Variants in SERPINI1 observed in about 807,000 individuals in gnomAD.
SERPINI1 encodes serpin family I member 1, also known as neuroserpin.
Under a neutral mutation model 41.1 loss-of-function variants are expected in SERPINI1, and 19 were observed. The ratio of observed to expected loss-of-function variants is 0.46; its 90% confidence interval spans 0.32 to 0.68. The LOEUF is 0.68. Among genes scored for constraint, SERPINI1 ranks in the 30% least tolerant of loss-of-function variants. The probability of loss-of-function intolerance (pLI) is 0.03; values close to 1 mark genes in which losing one functional copy is unlikely to be tolerated. For missense variants in SERPINI1, 460 were observed against 479.2 expected, an observed-to-expected ratio of 0.96 and a Z score of 0.37; for synonymous variants, 138 against 156.6, an observed-to-expected ratio of 0.88 and a Z score of 0.89.
At chr3:167,743,481 C>T (rs1299889528) in intron 1 of SERPINI1, among the ~76,000 whole-genome samples, 2 of 152,104 alleles carry the variant, frequency 1.3e-5, no homozygotes, top group African/African-American at 4.8e-5. Context: ...AAGATACTGA[C>T]TTGGCAAAAT....
At chr3:167,752,146 C>T (rs912074407) in intron 1 of SERPINI1, among the ~76,000 whole-genome samples, 5 of 152,134 alleles carry the variant, frequency 3.3e-5, no homozygotes, top group African/African-American at 1.2e-4. Flanking sequence ...GTTTGGGTTT[C>T]CCAGAGCTTG....
Position 167,825,514 on chromosome 3 carries a change from A to T in SERPINI1, c.*191A>T, listed in dbSNP as rs1416515821. 2.1e-5 allele frequency: 12 copies of T among 567,212 alleles called. No individual in the cohort carries two copies. Among genetic ancestry groups the T allele is most frequent in the Non-Finnish European group, 3.8e-5 (12 of 317,320 alleles). The allele number at this position is 567,212 out of a possible 1,614,324, so 35.1% of individuals were successfully genotyped here. A position where few individuals can be genotyped will look rare whatever the true frequency, so the allele number is the denominator to read the frequency against. Reference sequence around the variant, plus strand: ...TCAGTATTAAGCTAATGGTCCTGTTATGTCATTGTGTTTGTGTGCTGTTGT... The same window carrying T: ...TCAGTATTAAGCTAATGGTCCTGTTTTGTCATTGTGTTTGTGTGCTGTTGT... On this transcript the variant is annotated 3_prime_UTR_variant, in exon 9 of 9. Coordinates refer to ENST00000446050, the MANE Select transcript of SERPINI1 (RefSeq NM_001122752.2).
At chr3:167,781,721 T>C (rs1727132578) in intron 1 of SERPINI1, among the ~76,000 whole-genome samples, 1 of 150,564 alleles carries the variant, frequency 6.6e-6, no homozygotes, top group African/African-American at 2.4e-5. Flanking sequence ...TCTCTCTTTT[T>C]CTCAACTCAC....
chr3:167,740,691 A>G (rs182803264), intron 1 of SERPINI1, among the ~76,000 whole-genome samples: 5 of 152,324 alleles, frequency 3.3e-5, no homozygotes, highest in Non-Finnish European at 7.4e-5. Flanking sequence ...AAATTTTGTT[A>G]TTAACTGCAA....
At chr3:167,795,269 C>T (rs1328968883) in intron 5 of SERPINI1, among the ~76,000 whole-genome samples, 1 of 152,146 alleles carries the variant, frequency 6.6e-6, no homozygotes, top group African/African-American at 2.4e-5. Flanking sequence ...AAGCAAGTCA[C>T]TGTGCTAGGT....
At chr3:167,814,697 G>A (rs1712010985) in intron 6 of SERPINI1, among the ~76,000 whole-genome samples, 1 of 152,182 alleles carries the variant, frequency 6.6e-6, no homozygotes, top group Non-Finnish European at 1.5e-5. Context: ...AGTGGGTACT[G>A]AAGAAATATT....
chr3:167,740,213 T>C (rs1374891029), intron 1 of SERPINI1, among the ~76,000 whole-genome samples: 1 of 152,070 alleles, frequency 6.6e-6, no homozygotes, highest in Non-Finnish European at 1.5e-5. Context: ...TAACTTTTTA[T>C]AGAGATAAGG....
chr3:167,782,096 G>A (rs1727151170), intron 1 of SERPINI1, among the ~76,000 whole-genome samples: 1 of 152,102 alleles, frequency 6.6e-6, no homozygotes, highest in Non-Finnish European at 1.5e-5. Flanking sequence ...TGGTACTGCA[G>A]CCTCTTGTTG....
At chr3:167,812,691 T>C (rs1711934567) in intron 6 of SERPINI1, among the ~76,000 whole-genome samples, 2 of 152,228 alleles carry the variant, frequency 1.3e-5, no homozygotes, top group Admixed American at 1.3e-4. Flanking sequence ...ACCTACTGAA[T>C]GAAGAAATGA....
chr3:167,767,415 G>A (rs1350195356), intron 1 of SERPINI1, among the ~76,000 whole-genome samples: 1 of 152,164 alleles, frequency 6.6e-6, no homozygotes, highest in Non-Finnish European at 1.5e-5. Context: ...TGTACATGGA[G>A]ATTAATGTTG....
chr3:167,794,669 A>G lies in SERPINI1; in HGVS notation c.726A>G (p.Leu242=), dbSNP rs368762906. The G allele has an allele frequency of 4.3e-6, 7 of 1,613,626 alleles. No individual in the cohort carries two copies. In the South Asian group the frequency reaches 4.4e-5, roughly 10 times the overall value. ...AAGCTGGTGGTATCTACCAAGTCCT[A>G]GAAATACCATATGAAGGAGATGAAA... The part of the protein sequence containing the change: ...SNEAGGIYQV[L]EIPYEGDEIS... The change falls in exon 5 of 9, where the codon CTA becomes CTG. Residue 242 remains leucine (L), a synonymous_variant. Transcript: ENST00000446050.
chr3:167,767,134 G>A (rs1436233610), intron 1 of SERPINI1, among the ~76,000 whole-genome samples: 2 of 152,148 alleles, frequency 1.3e-5, no homozygotes, highest in East Asian at 1.9e-4. Flanking sequence ...TCTCATTATG[G>A]GCTAAATGCA....
intron 1 of SERPINI1, among the ~76,000 whole-genome samples, chr3:167,776,882 A>G (rs988569607): frequency 6.6e-6 from 1 of 152,212 alleles, no homozygotes; most frequent in African/African-American, 2.4e-5. Flanking sequence ...CCTTGACTGA[A>G]CTTGAGTCAG....
At chr3:167,744,709 A>T (rs1287988125) in intron 1 of SERPINI1, among the ~76,000 whole-genome samples, 1 of 129,214 alleles carries the variant, frequency 7.7e-6, no homozygotes, top group African/African-American at 3.0e-5. Context: ...AATATATATA[A>T]AATATATATA....
intron 4 of SERPINI1, among the ~76,000 whole-genome samples, chr3:167,793,940 T>C (rs982908730): frequency 2.0e-5 from 3 of 151,686 alleles, no homozygotes; most frequent in African/African-American, 7.3e-5. Flanking sequence ...TTTGGAGATA[T>C]CAATATTCAC....
chr3:167,770,441 C>T (rs185576904), intron 1 of SERPINI1, among the ~76,000 whole-genome samples: 234 of 152,112 alleles, frequency 1.5e-3, no homozygotes, highest in Non-Finnish European at 2.7e-3. Flanking sequence ...GATTATATTT[C>T]GAACCACCCT....
chr3:167,740,537 T>A (rs1725646397), intron 1 of SERPINI1, among the ~76,000 whole-genome samples: 1 of 152,254 alleles, frequency 6.6e-6, no homozygotes. Flanking sequence ...GAAACATCAT[T>A]TTGCAAACAA....
chr3:167,758,564 A>G (rs530644576), intron 1 of SERPINI1, among the ~76,000 whole-genome samples: 2 of 152,202 alleles, frequency 1.3e-5, no homozygotes, highest in Non-Finnish European at 2.9e-5. Context: ...GATTAAAATT[A>G]GTGTTCAAAG....
chr3:167,796,319 TATAA>T (rs1301294560), intron 5 of SERPINI1, among the ~76,000 whole-genome samples: 1 of 151,792 alleles, frequency 6.6e-6, no homozygotes, highest in Non-Finnish European at 1.5e-5. Flanking sequence ...AATATATAAC[TATAA>T]ATATATAGCC....
Sources: gnomAD v4.1 joint callset for allele counts (sites outside exome capture counted in the v4.1 genomes callset) on GRCh38, gnomAD v4.1.1 for gene constraint, MANE v1.5 for transcripts, NCBI Gene and HGNC (gene_info 2026-07-23, HGNC 2026-07-21) for gene names.